Variants in CDH12 observed in about 807,000 individuals in gnomAD.
The protein encoded by CDH12 is cadherin-12.
CDH12 carries 41 observed loss-of-function variants against 74.1 expected under a neutral mutation model. That is an observed-to-expected ratio of 0.55 (90% confidence interval 0.43 to 0.72). The LOEUF (loss-of-function observed/expected upper bound fraction) is 0.72, where lower values mean the gene tolerates loss of function less well. Ranked by LOEUF, CDH12 falls within the 30% of genes least tolerant of loss-of-function variation. The pLI is 0.00. For synonymous variants in CDH12, 399 were observed against 355.0 expected (o/e 1.12, Z -1.39); for missense variants, 945 against 977.2 (o/e 0.97, Z 0.44).
intron 6 of CDH12, among the ~76,000 whole-genome samples, chr5:21,867,171 A>G (rs568528139): frequency 2.0e-5 from 3 of 152,284 alleles, no homozygotes; most frequent in Admixed American, 6.5e-5. Context: ...TCTGGCCAAC[A>G]TGGTGAACCC....
chr5:21,990,202 A>G (rs1451144985), intron 5 of CDH12, among the ~76,000 whole-genome samples: 2 of 152,184 alleles, frequency 1.3e-5, no homozygotes, highest in Non-Finnish European at 2.9e-5. Context: ...GTCCATGCTC[A>G]GTAATGGTTT....
chr5:21,940,232 A>G (rs1755269387), intron 6 of CDH12, among the ~76,000 whole-genome samples: 1 of 152,092 alleles, frequency 6.6e-6, no homozygotes, highest in South Asian at 2.1e-4. Flanking sequence ...ATCTCAAAAA[A>G]AAAGAAAAGT....
At chr5:22,033,073 C>G (rs942909948) in intron 5 of CDH12, among the ~76,000 whole-genome samples, 2 of 148,278 alleles carry the variant, frequency 1.3e-5, no homozygotes, top group Non-Finnish European at 3.0e-5. Context: ...CTGACTCAGA[C>G]TATTATTTTA....
At chr5:22,244,796 GAAAGAA>G (rs1215180701) in intron 3 of CDH12, among the ~76,000 whole-genome samples, 20,802 of 108,648 alleles carry the variant, frequency 0.19, 1,957 homozygotes, top group Admixed American at 0.26. Flanking sequence ...AAGAAAGAAA[GAAAGAA>G]AAATTCAAAG....
chr5:22,267,021 A>G (rs1344400164), intron 3 of CDH12, among the ~76,000 whole-genome samples: 1 of 152,206 alleles, frequency 6.6e-6, no homozygotes, highest in East Asian at 1.9e-4. Context: ...CCAATTGTGT[A>G]CATTTTTGAA....
intron 3 of CDH12, among the ~76,000 whole-genome samples, chr5:22,241,785 G>A (rs541124903): frequency 6.6e-6 from 1 of 151,892 alleles, no homozygotes; most frequent in African/African-American, 2.4e-5. Context: ...TAAATTGTTT[G>A]AATTAATTCC....
chr5:22,794,283 G>T (rs983345227), intron 1 of CDH12, among the ~76,000 whole-genome samples: 1 of 152,202 alleles, frequency 6.6e-6, no homozygotes. Context: ...GGAGGTGGAT[G>T]ACCAGTTTTG....
intron 1 of CDH12, among the ~76,000 whole-genome samples, chr5:22,655,468 C>A (rs1739984658): frequency 6.6e-6 from 1 of 152,208 alleles, no homozygotes; most frequent in South Asian, 2.1e-4. Flanking sequence ...AATCTCCACA[C>A]CATCTTCTAT....
intron 6 of CDH12, among the ~76,000 whole-genome samples, chr5:21,939,434 A>C (rs1449066510): frequency 2.6e-5 from 4 of 151,958 alleles, no homozygotes; most frequent in African/African-American, 7.2e-5. Context: ...AAGGTTTTAC[A>C]TACATCAGGG....
intron 9 of CDH12, among the ~76,000 whole-genome samples, chr5:21,806,592 C>T (rs774899328): frequency 2.6e-5 from 4 of 152,130 alleles, no homozygotes; most frequent in South Asian, 4.1e-4. Context: ...GAAATTGGGT[C>T]TTCATTCTGA....
At chr5:22,522,288 A>G (rs1237183088) in intron 1 of CDH12, among the ~76,000 whole-genome samples, 1 of 152,224 alleles carries the variant, frequency 6.6e-6, no homozygotes, top group Non-Finnish European at 1.5e-5. Flanking sequence ...CATCATGAAC[A>G]TATAAACTGA....
chr5:21,785,033 A>G (rs1316280141), intron 10 of CDH12, among the ~76,000 whole-genome samples: 2 of 152,070 alleles, frequency 1.3e-5, no homozygotes, highest in East Asian at 3.9e-4. Context: ...GTAAGTGCTC[A>G]CTTCATATTT....
At chr5:22,644,295 T>C (rs933731668) in intron 1 of CDH12, among the ~76,000 whole-genome samples, 2 of 152,086 alleles carry the variant, frequency 1.3e-5, no homozygotes, top group African/African-American at 2.4e-5. Context: ...AGAAAAGTTA[T>C]TGAAAAAATT....
chr5:22,815,213 A>G (rs1749329300), intron 1 of CDH12, among the ~76,000 whole-genome samples: 1 of 152,070 alleles, frequency 6.6e-6, no homozygotes, highest in Non-Finnish European at 1.5e-5. Flanking sequence ...TGCACAAAGA[A>G]AAAAAAATGT....
At chr5:22,273,851 G>C (rs1030851567) in intron 3 of CDH12, among the ~76,000 whole-genome samples, 3 of 151,938 alleles carry the variant, frequency 2.0e-5, no homozygotes, top group African/African-American at 7.3e-5. Context: ...AACTTAAAAC[G>C]TGCAAAAACA....
intron 3 of CDH12, among the ~76,000 whole-genome samples, chr5:22,399,170 C>G (rs1393417960): frequency 1.3e-5 from 2 of 150,820 alleles, no homozygotes; most frequent in Non-Finnish European, 3.0e-5. Flanking sequence ...ATCTATTTAT[C>G]TTACTATATA....
intron 6 of CDH12, among the ~76,000 whole-genome samples, chr5:21,909,117 C>T (rs536083459): frequency 5.3e-5 from 8 of 152,234 alleles, no homozygotes; most frequent in Admixed American, 3.3e-4. Context: ...CTGCACCTGT[C>T]TGCACATCCC....
Position 22,097,383 on chromosome 5 carries a change from T to C in CDH12, c.-186-18521A>G, listed in dbSNP as rs189095408. Among the ~76,000 whole-genome samples the C allele has an allele frequency of 6.6e-5, 10 of 152,196 alleles. No homozygotes were observed. The East Asian group carries it at 1.7e-3, about 27-fold the overall frequency. On this transcript the variant is annotated intron_variant, in intron 4 of 14. Coordinates refer to ENST00000382254, the MANE Select transcript of CDH12 (RefSeq NM_004061.5). ...ACGGATGCTGAGCTTCAAGTAACTC[T>C]CACAGCAGAAAGTAAGTCCTTAATC...
At chr5:22,055,449 T>G (rs991840112) in intron 5 of CDH12, among the ~76,000 whole-genome samples, 1 of 152,204 alleles carries the variant, frequency 6.6e-6, no homozygotes, top group Admixed American at 6.5e-5. Flanking sequence ...TCTAAGCTCA[T>G]ATTTTACTTT....
Sources: gnomAD v4.1 joint callset for allele counts (sites outside exome capture counted in the v4.1 genomes callset) on GRCh38, gnomAD v4.1.1 for gene constraint, MANE v1.5 for transcripts, NCBI Gene and HGNC (gene_info 2026-07-23, HGNC 2026-07-21) for gene names.